CCDC106: variants seen among roughly 807,000 people sequenced by gnomAD.
The protein encoded by CCDC106 is coiled-coil domain containing 106, also known as coiled-coil domain-containing protein 106.
In CCDC106, 17 loss-of-function variants were observed where a neutral mutation model predicts 24.7. The ratio of observed to expected loss-of-function variants is 0.69; its 90% CI spans 0.47 to 1.03. CCDC106 has a LOEUF of 1.03. Ranked by LOEUF, CCDC106 falls within the 50% of genes least tolerant of loss-of-function variation. The pLI is 0.00. For synonymous variants in CCDC106, 211 were observed against 161.3 expected, an observed-to-expected ratio of 1.31 and a Z score of -2.34; for missense variants, 337 against 388.9, an observed-to-expected ratio of 0.87 and a Z score of 1.12.
chr19:55,648,754 C>A lies in CCDC106; in HGVS notation c.-293C>A. 1.9e-6 allele frequency: 1 copy of A among 521,664 alleles called. No homozygotes were observed. The highest frequency in any genetic ancestry group is 3.1e-5 in the East Asian group (1 of 32,222). The allele number at this position is 521,664 out of a possible 1,614,324, so 32.3% of individuals were successfully genotyped here. A position where few individuals can be genotyped will look rare whatever the true frequency, so the allele number is the denominator to read the frequency against. ...CTTCAGCTTCCTTTTCCTTCGATAC[C>A]CAGGAGCCCACGTCCCCAGCTCACT... On this transcript the variant is annotated 5_prime_UTR_variant, in exon 1 of 5. Transcript: ENST00000586790.
At position 55,649,213 on chromosome 19, in the gene CCDC106, G is replaced by C. The variant is rs374002589; in HGVS notation, c.40G>C (p.Asp14His). The C allele has an allele frequency of 6.2e-7, 1 of 1,613,400 alleles. No homozygotes were observed. The highest frequency in any genetic ancestry group is 1.3e-5 in the African/African-American group (1 of 74,892). Residue 14 changes from aspartate (D) to histidine (H), a missense_variant, in exon 2 of 5, where the codon GAT (aspartate) becomes CAT (histidine). Asp to His is a moderately conservative substitution (Grantham distance 81). Coordinates refer to ENST00000586790, the MANE Select transcript of CCDC106 (RefSeq NM_001370470.1). Reference protein sequence around the residue: ...RSSRRRTMKDDETFEISIPFD... With the variant: ...RSSRRRTMKDHETFEISIPFD... ...GGGCCTCTCCTCTCCAGTGAAGGACGATGAGACCTTCGAGATCTCCATTCC... is the reference window on the plus strand; with the variant it reads ...GGGCCTCTCCTCTCCAGTGAAGGACCATGAGACCTTCGAGATCTCCATTCC...
Position 55,648,494 on chromosome 19 carries a change from C to T in CCDC106, c.-553C>T, listed in dbSNP as rs1307272136. The T allele has an allele frequency of 6.3e-6, 1 of 158,966 alleles. No homozygotes were observed. The highest frequency in any genetic ancestry group is 1.8e-4 in the South Asian group (1 of 5,486). The allele number at this position is 158,966 out of a possible 1,614,324, so 9.8% of individuals were successfully genotyped here. A position where few individuals can be genotyped will look rare whatever the true frequency, so the allele number is the denominator to read the frequency against. On this transcript the variant is annotated 5_prime_UTR_variant, in exon 1 of 5. Coordinates refer to ENST00000586790, the MANE Select transcript of CCDC106 (RefSeq NM_001370470.1). ...TGCGCACGCGCCCAGCCCCCACCAC[C>T]GGGGGACGGTCCGCCCGCCCACGCG...
rs891427322 is a variant in CCDC106 at position 55,649,702 on chromosome 19, T to C, written c.313+118T>C. On this transcript the variant is annotated intron_variant, in intron 3 of 4. Transcript: ENST00000586790. ...GGTGGGACCTGCCATGTTGGCCCTA[T>C]CTGCTAGTCCCCTGCCTGTTTTGGG... The C allele has an allele frequency of 4.4e-5, 41 of 938,718 alleles. No individual in the cohort carries two copies. The South Asian group carries it at 6.1e-4, about 14-fold the overall frequency. The allele number at this position is 938,718 out of a possible 1,614,324, so 58.1% of individuals were successfully genotyped here. A position where few individuals can be genotyped will look rare whatever the true frequency, so the allele number is the denominator to read the frequency against.
At chr19:55,650,554 C>T (rs1219090197) in intron 3 of CCDC106, among the ~76,000 whole-genome samples, 1 of 152,180 alleles carries the variant, frequency 6.6e-6, no homozygotes, top group African/African-American at 2.4e-5. Context: ...AAATCCTAGG[C>T]AAGGGGGCTA....
Position 55,651,356 on chromosome 19 carries a change from C to A in CCDC106, c.387C>A (p.Ala129=). 6.2e-7 allele frequency: 1 copy of A among 1,613,036 alleles called. No individual in the cohort carries two copies. Among genetic ancestry groups the A allele is most frequent in the Middle Eastern group, 1.7e-4 (1 of 5,994 alleles). The change falls in exon 4 of 5, where the codon GCC becomes GCA. Residue 129 remains alanine, a synonymous_variant. Coordinates refer to ENST00000586790, the MANE Select transcript of CCDC106 (RefSeq NM_001370470.1). ...GCCGTGGTGGGGCTGGGGGCGAGGC[C>A]TCGGACCCTGAGTCAGCAGCCTCCT... The part of the protein sequence containing the change: ...GDSRGGAGGE[A]SDPESAASSL...
chr19:55,649,095 C>G lies in CCDC106; in HGVS notation c.31+18C>G. On this transcript the variant is annotated intron_variant, in intron 1 of 4. Transcript: ENST00000586790. ...GCGGACAAGTGAGGAAGCTGGGTCCCCTTCCCTACCCTGGGTCCCAGTGCG... is the reference window on the plus strand; with the variant it reads ...GCGGACAAGTGAGGAAGCTGGGTCCGCTTCCCTACCCTGGGTCCCAGTGCG... 2 of 1,614,026 alleles carry G rather than the reference C, an allele frequency of 1.2e-6. No individual in the cohort carries two copies. Among genetic ancestry groups the G allele is most frequent in the Non-Finnish European group, 1.7e-6 (2 of 1,179,922 alleles).
Position 55,652,473 on chromosome 19 carries a change from G to C in CCDC106, c.570G>C (p.Leu190=). Residue 190 remains leucine, a synonymous_variant, in exon 5 of 5, where the codon CTG becomes CTC. Coordinates refer to ENST00000586790, the MANE Select transcript of CCDC106 (RefSeq NM_001370470.1). The surrounding 1 kb of genome is among the most constrained non-coding windows in gnomAD (Gnocchi z 5.9). ...DGVLCRYKKI[L]GTFQKLKSMS... is the part of the protein sequence containing the mutation. ...TCCTCTGCCGGTACAAGAAGATCCT[G>C]GGCACCTTCCAGAAGCTCAAGAGCA... is the stretch of plus-strand genomic sequence containing the variant. 1 of 1,611,384 alleles carries C rather than the reference G, an allele frequency of 6.2e-7. No individual in the cohort carries two copies. The highest frequency in any genetic ancestry group is 8.5e-7 in the Non-Finnish European group (1 of 1,178,418).
chr19:55,649,079 T>C lies in CCDC106; in HGVS notation c.31+2T>C. The C allele has an allele frequency of 6.2e-7, 1 of 1,613,814 alleles. No homozygotes were observed. Among genetic ancestry groups the C allele is most frequent in the Non-Finnish European group, 8.5e-7 (1 of 1,179,964 alleles). On this transcript the variant is annotated splice_donor_variant, in intron 1 of 4. Transcript: ENST00000586790. LOFTEE classifies it high-confidence loss of function. Reference sequence around the variant, plus strand: ...ACCGGAGCAGTCGGAGGCGGACAAGTGAGGAAGCTGGGTCCCCTTCCCTAC... The same window carrying C: ...ACCGGAGCAGTCGGAGGCGGACAAGCGAGGAAGCTGGGTCCCCTTCCCTAC...
rs201897477 is a variant in CCDC106, at chr19:55,649,294, C to G, written c.121C>G (p.Arg41Gly). ...PQIFYSLSPS[R>G]RNFEEPPEAA... is the part of the protein sequence containing the mutation. ...GATCTTTTACAGTCTGAGCCCCTCTCGGAGAAACTTCGAGGGTGAGCTGAG... is the reference window on the plus strand; with the variant it reads ...GATCTTTTACAGTCTGAGCCCCTCTGGGAGAAACTTCGAGGGTGAGCTGAG... Residue 41 changes from arginine (R) to glycine (G), a missense_variant, in exon 2 of 5, where the codon CGG (arginine) becomes GGG (glycine). Around this residue, in one of 2 missense-constraint regions of CCDC106, gnomAD observed 234 missense variants for 236.5 expected, o/e 0.99. Transcript: ENST00000586790. 3.1e-6 allele frequency: 5 copies of G among 1,613,904 alleles called. No individual in the cohort carries two copies. Among genetic ancestry groups the G allele is most frequent in the Admixed American group, 3.3e-5 (2 of 60,002 alleles).
chr19:55,650,016 C>G (rs1983135619), intron 3 of CCDC106, among the ~76,000 whole-genome samples: 1 of 152,202 alleles, frequency 6.6e-6, no homozygotes, highest in Admixed American at 6.5e-5. Context: ...CCTGTCTTCT[C>G]CAAGATCCAA....
Position 55,652,138 on chromosome 19 carries a change from G to A in CCDC106, c.527-292G>A, listed in dbSNP as rs1355328394. On this transcript the variant is annotated intron_variant, in intron 4 of 4. Coordinates refer to ENST00000586790, the MANE Select transcript of CCDC106 (RefSeq NM_001370470.1). The surrounding 1 kb of genome is among the most constrained non-coding windows in gnomAD (Gnocchi z 5.9). ...GGAGACGAGGGTGATGGCTCGGGGT[G>A]TCGGGGGGTGCTGGGACCGCGTGGG... 6.6e-6 allele frequency among the ~76,000 whole-genome samples: 1 copy of A among 152,072 alleles called. No homozygotes were observed. Among genetic ancestry groups the A allele is most frequent in the Non-Finnish European group, 1.5e-5 (1 of 68,010 alleles).
chr19:55,649,636 C>T (rs544162378), intron 3 of CCDC106, 52 bp downstream of exon 3: 4 of 1,525,480 alleles, frequency 2.6e-6, no homozygotes, highest in Admixed American at 3.5e-5. Flanking sequence ...CTACTGGGTA[C>T]CCGCTCACCC....
upstream of CCDC106, among the ~76,000 whole-genome samples, chr19:55,647,490 G>A (rs2123642705): frequency 6.6e-6 from 1 of 152,298 alleles, no homozygotes; most frequent in East Asian, 1.9e-4. Flanking sequence ...CCTGACGATG[G>A]CCAGGTGCTG....
In CCDC106 at chr19:55,652,412, C is replaced by A; in HGVS notation, c.527-18C>A. Reference sequence around the variant, plus strand: ...GTGCCCTGCCCCTCACTTTCGTGTCCCCGCCTCCACCCCTCAGTGAAGGAC... The same window carrying A: ...GTGCCCTGCCCCTCACTTTCGTGTCACCGCCTCCACCCCTCAGTGAAGGAC... On this transcript the variant is annotated intron_variant, in intron 4 of 4. Transcript: ENST00000586790. This position sits in a 1 kb window ranked among gnomAD's most constrained non-coding sequence, Gnocchi z 5.9. 1 of 1,575,944 alleles carries A rather than the reference C, an allele frequency of 6.3e-7. No individual in the cohort carries two copies. The highest frequency in any genetic ancestry group is 1.8e-5 in the Admixed American group (1 of 56,544).
Position 55,648,888 on chromosome 19 carries a change from C to T in CCDC106, c.-159C>T. ...AGTCCTGGGGTCCAGGCTCCCTCCT[C>T]CCTCAGACCAGGGGTCCAGGCCAGA... On this transcript the variant is annotated 5_prime_UTR_variant, in exon 1 of 5. Transcript: ENST00000586790. 1.3e-6 allele frequency: 1 copy of T among 748,892 alleles called. No homozygotes were observed. Among genetic ancestry groups the T allele is most frequent in the East Asian group, 2.4e-5 (1 of 40,878 alleles). 46.4% of individuals were successfully genotyped at this position (748,892 alleles called of 1,614,324 possible).
chr19:55,649,539 C>T lies in CCDC106; in HGVS notation c.268C>T (p.Arg90Trp), dbSNP rs752258874. The T allele has an allele frequency of 6.2e-7, 1 of 1,614,106 alleles. No individual in the cohort carries two copies. The highest frequency in any genetic ancestry group is 8.5e-7 in the Non-Finnish European group (1 of 1,179,978). Residue 90 changes from arginine (R) to tryptophan (W), a missense_variant, in exon 3 of 5, where the codon CGG (arginine) becomes TGG (tryptophan). By Grantham distance (101) the Arg-to-Trp change is moderately radical. Transcript: ENST00000586790. Reference sequence around the variant, plus strand: ...CCTGGAGGAAGAGAGGGACTTCCTGCGGTGCCAGCTGGACAAATTCATCTC... The same window carrying T: ...CCTGGAGGAAGAGAGGGACTTCCTGTGGTGCCAGCTGGACAAATTCATCTC... Reference protein sequence around the residue: ...EDLEEERDFLRCQLDKFISSA... With the variant: ...EDLEEERDFLWCQLDKFISSA...
At position 55,648,729 on chromosome 19, in the gene CCDC106, C is replaced by T. The variant is rs1478975788; in HGVS notation, c.-318C>T. 2 of 477,598 alleles carry T rather than the reference C, an allele frequency of 4.2e-6. No homozygotes were observed. Among genetic ancestry groups the T allele is most frequent in the East Asian group, 7.0e-5 (2 of 28,646 alleles). 29.6% of individuals were successfully genotyped at this position (477,598 alleles called of 1,614,324 possible). On this transcript the variant is annotated 5_prime_UTR_variant, in exon 1 of 5. Transcript: ENST00000586790. ...CCTTGGGGCACCCAGCAATTTAGGGCTTCAGCTTCCTTTTCCTTCGATACC... is the reference window on the plus strand; with the variant it reads ...CCTTGGGGCACCCAGCAATTTAGGGTTTCAGCTTCCTTTTCCTTCGATACC...
At position 55,652,348 on chromosome 19, in the gene CCDC106, C is replaced by G. The variant is rs1025628759; in HGVS notation, c.527-82C>G. 8.0e-7 allele frequency: 1 copy of G among 1,256,432 alleles called. No individual in the cohort carries two copies. Among genetic ancestry groups the G allele is most frequent in the African/African-American group, 1.5e-5 (1 of 66,448 alleles). 77.8% of individuals were successfully genotyped at this position (1,256,432 alleles called of 1,614,324 possible). On this transcript the variant is annotated intron_variant, in intron 4 of 4. Transcript: ENST00000586790. This position sits in a 1 kb window ranked among gnomAD's most constrained non-coding sequence, Gnocchi z 5.9. ...TCTGCTCGCCGAGATCCTTTCTTCC[C>G]ATGGCCGTTTCCCTTCCCGTGTCCG...
chr19:55,651,622 G>C (rs1983284409), intron 4 of CCDC106, 127 bp downstream of exon 4: 1 of 653,806 alleles, frequency 1.5e-6, no homozygotes, highest in Non-Finnish European at 2.6e-6. Context: ...ACCGGGTTCT[G>C]TCTCTCCCTC....
Sources: gnomAD v4.1 joint callset for allele counts (sites outside exome capture counted in the v4.1 genomes callset) on GRCh38, gnomAD v4.1.1 for gene constraint, gnomAD v4.1.1 regional missense constraint, Gnocchi (gnomAD v3.1) non-coding constraint, MANE v1.5 for transcripts, NCBI Gene and HGNC (gene_info 2026-07-23, HGNC 2026-07-21) for gene names.